Variants in ITGAL observed in about 807,000 individuals in gnomAD.
The protein encoded by ITGAL is integrin alpha-L.
Under a neutral mutation model 138.4 loss-of-function variants are expected in ITGAL, and 68 were observed. The ratio of observed to expected loss-of-function variants is 0.49; its 90% CI spans 0.40 to 0.60. The LOEUF (loss-of-function observed/expected upper bound fraction) is 0.60. Ranked by LOEUF, ITGAL falls within the 20% of genes least tolerant of loss-of-function variation. ITGAL has a pLI of 0.00. For synonymous variants in ITGAL, 561 were observed against 584.3 expected (o/e 0.96, Z 0.57); for missense variants, 1,256 against 1,478.6 (o/e 0.85, Z 2.47).
At chr16:30,516,941 C>A (rs1231093791) in intron 25 of ITGAL, 32 bp from the exon 26 acceptor site, 1 of 1,498,712 alleles carries the variant, frequency 6.7e-7, no homozygotes, top group South Asian at 1.1e-5. Flanking sequence ...GGCTGGCATT[C>A]AGGGCTCTGC....
chr16:30,513,415 G>A (rs541035503), intron 24 of ITGAL, among the ~76,000 whole-genome samples: 11 of 152,210 alleles, frequency 7.2e-5, no homozygotes, highest in Non-Finnish European at 1.5e-4. Context: ...ACCCAGCAGT[G>A]TGTGTTGGAA....
At chr16:30,497,731 G>T (rs2050823459) in intron 15 of ITGAL, among the ~76,000 whole-genome samples, 1 of 151,516 alleles carries the variant, frequency 6.6e-6, no homozygotes. Flanking sequence ...CGCCCGTCTC[G>T]GCCTCCCAAA....
Position 30,481,426 on chromosome 16 carries a change from C to T in ITGAL, c.577-13C>T. The T allele has an allele frequency of 6.3e-7, 1 of 1,589,554 alleles. No homozygotes were observed. The highest frequency in any genetic ancestry group is 1.4e-5 in the African/African-American group (1 of 73,688). ...ATATATAACTGAATGTCATTTCTTCCTTCCTTTTCTAGTTTGCTGCTGTTC... is the reference window on the plus strand; with the variant it reads ...ATATATAACTGAATGTCATTTCTTCTTTCCTTTTCTAGTTTGCTGCTGTTC... On this transcript the variant is annotated splice_polypyrimidine_tract_variant and intron_variant, in intron 6 of 30. Transcript: ENST00000356798.
chr16:30,506,558 CAAAAAAAAAAAAAAAAAAAAA>C (rs57722064), intron 20 of ITGAL, among the ~76,000 whole-genome samples, 136 bp from the exon 21 acceptor site: 14 of 47,912 alleles, frequency 2.9e-4, no homozygotes, highest in Admixed American at 7.5e-4. Flanking sequence ...GACTCCATCT[CAAAAAAAAAAAAAAAAAAAAA>C]AAAAAAAAAA....
chr16:30,474,326 C>T, intron 2 of ITGAL, 28 bp downstream of exon 2: 1 of 1,505,664 alleles, frequency 6.6e-7, no homozygotes, highest in Non-Finnish European at 9.1e-7. Context: ...AGTCCTCCTC[C>T]TGATGCCCGC....
In ITGAL at chr16:30,521,836, C is replaced by T; in HGVS notation, c.*171C>T. Reference sequence around the variant, plus strand: ...CATTCCTGCCTGTCTCCTTTGCAGGCTCATAGGGAAGACCTGCTGAGGGAC... The same window carrying T: ...CATTCCTGCCTGTCTCCTTTGCAGGTTCATAGGGAAGACCTGCTGAGGGAC... On this transcript the variant is annotated 3_prime_UTR_variant, in exon 31 of 31. Coordinates refer to ENST00000356798, the MANE Select transcript of ITGAL (RefSeq NM_002209.3). The T allele has an allele frequency of 1.5e-6, 1 of 657,230 alleles. No individual in the cohort carries two copies. Among genetic ancestry groups the T allele is most frequent in the Non-Finnish European group, 2.5e-6 (1 of 396,326 alleles). The allele number at this position is 657,230 out of a possible 1,614,324, so 40.7% of individuals were successfully genotyped here.
intron 9 of ITGAL, among the ~76,000 whole-genome samples, chr16:30,486,427 A>G (rs2151149428): frequency 6.8e-6 from 1 of 147,710 alleles, no homozygotes; most frequent in African/African-American, 2.5e-5. Flanking sequence ...AAAAAAAATC[A>G]GCAGCAATGG....
At chr16:30,487,568 C>A (rs2050665970) in intron 9 of ITGAL, among the ~76,000 whole-genome samples, 1 of 151,874 alleles carries the variant, frequency 6.6e-6, no homozygotes, top group South Asian at 2.1e-4. Context: ...TGCCACCACA[C>A]CCAGATAAAT....
chr16:30,499,528 T>G, intron 17 of ITGAL, 39 bp downstream of exon 17: 1 of 1,603,744 alleles, frequency 6.2e-7, no homozygotes, highest in African/African-American at 1.3e-5. Flanking sequence ...ATGAGCTACC[T>G]GCAGGGGCAG....
At position 30,519,982 on chromosome 16, in the gene ITGAL, G is replaced by A. The variant is rs772116520; in HGVS notation, c.3339+15G>A. 10 of 1,571,548 alleles carry A rather than the reference G, an allele frequency of 6.4e-6. No individual in the cohort carries two copies. In the African/African-American group the frequency reaches 8.1e-5, roughly 13 times the overall value. ...TGCTGTACAAGGTGGGTGCCTCCGGGGGTCACAGGCATTGCTGAGACAGCC... is the reference window on the plus strand; with the variant it reads ...TGCTGTACAAGGTGGGTGCCTCCGGAGGTCACAGGCATTGCTGAGACAGCC... On this transcript the variant is annotated intron_variant, in intron 30 of 30. Coordinates refer to ENST00000356798, the MANE Select transcript of ITGAL (RefSeq NM_002209.3).
chr16:30,507,649 C>CA (rs543416123), intron 21 of ITGAL, among the ~76,000 whole-genome samples: 248 of 139,662 alleles, frequency 1.8e-3, no homozygotes, highest in East Asian at 4.8e-3. Flanking sequence ...GACTCCATCT[C>CA]AAAAAAAAAA....
At chr16:30,495,858 T>C (rs1341413366) in intron 13 of ITGAL, among the ~76,000 whole-genome samples, 1 of 151,084 alleles carries the variant, frequency 6.6e-6, no homozygotes, top group Non-Finnish European at 1.5e-5. Context: ...CAAAAAAAAA[T>C]TATCAAAAAA....
At chr16:30,504,983 T>G (rs2050963457) in intron 18 of ITGAL, 1 of 258,358 alleles carries the variant, frequency 3.9e-6, no homozygotes, top group Non-Finnish European at 7.2e-6. Flanking sequence ...ATTGTGCCAC[T>G]GCACTCCAGC....
chr16:30,505,244 C>A lies in ITGAL; in HGVS notation c.2236C>A (p.Gln746Lys), dbSNP rs34838942. The change falls in exon 19 of 31, where the codon CAG (glutamine) becomes AAG (lysine). Residue 746 changes from glutamine to lysine, a missense_variant and splice_region_variant. Physicochemically the swap from Gln to Lys is moderately conservative, Grantham distance 53. Around this residue, in one of 3 missense-constraint regions of ITGAL, gnomAD observed 867 missense variants for 972.5 expected, o/e 0.89. Coordinates refer to ENST00000356798, the MANE Select transcript of ITGAL (RefSeq NM_002209.3). ...ATCCTGCCCACTACCCCTCGCTCAG[C>A]AGGGCAAGGACATACCGCCCATCCT... ...EEGTPRDQRA[Q>K]GKDIPPILRP... The A allele has an allele frequency of 6.0e-3, 9,567 of 1,595,720 alleles. 543 individuals are homozygous for A. In the African/African-American group the frequency reaches 0.12, roughly 19 times the overall value.
chr16:30,485,300 C>T (rs944647089), intron 9 of ITGAL, among the ~76,000 whole-genome samples: 14 of 151,990 alleles, frequency 9.2e-5, no homozygotes, highest in African/African-American at 2.9e-4. Flanking sequence ...AGTCTCTGCT[C>T]ACTGCAAGCT....
intron 9 of ITGAL, among the ~76,000 whole-genome samples, chr16:30,485,761 T>C (rs1286077994): frequency 2.6e-5 from 4 of 151,296 alleles, no homozygotes; most frequent in Admixed American, 1.3e-4. Flanking sequence ...CTCGAATTCC[T>C]GGCCCCAAGC....
At chr16:30,518,025 A>AT (rs1437080168) in intron 28 of ITGAL, 130 bp downstream of exon 28, 2 of 719,338 alleles carry the variant, frequency 2.8e-6, no homozygotes, top group Non-Finnish European at 5.0e-6. Context: ...TCCCATTTAC[A>AT]CAGTCACAGG....
Position 30,506,835 on chromosome 16 carries a change from C to CCGCA in ITGAL, c.2488_2491dup (p.Lys831ThrfsTer10). On this transcript the variant is annotated frameshift_variant, in exon 21 of 31. Transcript: ENST00000356798. LOFTEE classifies it high-confidence loss of function. ...TGCACTTCCCCCCGGGACTCTCCTT[C>CCGCA]CGCAAGGTGGAGATGCTGAAGGTGG... 1 of 1,613,966 alleles carries CCGCA rather than the reference C, an allele frequency of 6.2e-7. No homozygotes were observed. Among genetic ancestry groups the CCGCA allele is most frequent in the Non-Finnish European group, 8.5e-7 (1 of 1,179,894 alleles).
At chr16:30,521,349 G>C (rs915051851) in intron 30 of ITGAL, 143 bp from the exon 31 acceptor site, 1 of 621,674 alleles carries the variant, frequency 1.6e-6, no homozygotes, top group Admixed American at 3.0e-5. Context: ...AGAGGTTGCA[G>C]TGAGCCGAGA....
Sources: gnomAD v4.1 joint callset for allele counts (sites outside exome capture counted in the v4.1 genomes callset) on GRCh38, gnomAD v4.1.1 for gene constraint, gnomAD v4.1.1 regional missense constraint, MANE v1.5 for transcripts, NCBI Gene and HGNC (gene_info 2026-07-23, HGNC 2026-07-21) for gene names.